RNF157: variants seen among roughly 807,000 people sequenced by gnomAD.
RNF157 encodes the protein E3 ubiquitin ligase RNF157.
A neutral mutation model predicts 88.3 loss-of-function variants in RNF157; 55 were observed. The observed-to-expected ratio is 0.62, with a 90% confidence interval of 0.50 to 0.78. The LOEUF is 0.78. Ranked by LOEUF, RNF157 falls within the 30% of genes least tolerant of loss-of-function variation. The pLI, the probability that RNF157 is intolerant of heterozygous loss-of-function variation, is 0.00. For synonymous variants in RNF157, 334 were observed against 341.2 expected, an observed-to-expected ratio of 0.98 and a Z score of 0.23; for missense variants, 788 against 860.8, an observed-to-expected ratio of 0.92 and a Z score of 1.06.
intron 1 of RNF157, among the ~76,000 whole-genome samples, chr17:76,217,155 A>G (rs1721360571): frequency 6.6e-6 from 1 of 152,082 alleles, no homozygotes; most frequent in African/African-American, 2.4e-5. Flanking sequence ...GAGCTCCCCA[A>G]ACCTTCATCT....
rs531536354 is a variant in RNF157 at position 76,228,782 on chromosome 17, G to A, written c.88+11371C>T. Reference sequence around the variant, plus strand: ...TACTAAAATACAAACTTAGCCGGGCGTGGTGGTGGGCGCCTGTAATCCCAG... The same window carrying A: ...TACTAAAATACAAACTTAGCCGGGCATGGTGGTGGGCGCCTGTAATCCCAG... On this transcript the variant is annotated intron_variant, in intron 1 of 18. Coordinates refer to ENST00000269391, the MANE Select transcript of RNF157 (RefSeq NM_052916.3). 1.6e-4 allele frequency among the ~76,000 whole-genome samples: 25 copies of A among 151,996 alleles called. 1 individual carries two copies. The South Asian group carries it at 1.7e-3, about 10-fold the overall frequency.
intron 2 of RNF157, among the ~76,000 whole-genome samples, chr17:76,191,255 C>G (rs184573282): frequency 5.3e-5 from 8 of 151,566 alleles, no homozygotes; most frequent in Non-Finnish European, 7.4e-5. Flanking sequence ...GCAGGAGGAT[C>G]GCTGGAGCCC....
chr17:76,210,387 G>C lies in RNF157; in HGVS notation c.207+1977C>G, dbSNP rs568018992. Among the ~76,000 whole-genome samples, 1,006 of 151,608 alleles carry C rather than the reference G, an allele frequency of 6.6e-3. 18 individuals carry two copies. Among genetic ancestry groups the C allele is most frequent in the African/African-American group, 0.023 (965 of 41,362 alleles). ...GGTGGGCGGATCACGAGGTCAGATC[G>C]AGACCATCCTGGCTAACACAGTGAA... is the stretch of plus-strand genomic sequence containing the variant. On this transcript the variant is annotated intron_variant, in intron 2 of 18. Coordinates refer to ENST00000269391, the MANE Select transcript of RNF157 (RefSeq NM_052916.3).
At chr17:76,205,137 TTTTC>T (rs1423773350) in intron 2 of RNF157, among the ~76,000 whole-genome samples, 13 of 151,172 alleles carry the variant, frequency 8.6e-5, no homozygotes, top group Admixed American at 3.3e-4. Flanking sequence ...TCTTTTCTTT[TTTTC>T]TTTCTTTTTT....
chr17:76,167,161 G>A, intron 4 of RNF157, 35 bp from the exon 5 acceptor site: 1 of 1,512,024 alleles, frequency 6.6e-7, no homozygotes, highest in Non-Finnish European at 9.2e-7. Flanking sequence ...GCAAAAGTCA[G>A]TATCCGGCAC....
intron 2 of RNF157, among the ~76,000 whole-genome samples, chr17:76,194,137 C>T (rs543223705): frequency 1.7e-4 from 26 of 152,228 alleles, no homozygotes; most frequent in African/African-American, 6.0e-4. Context: ...TGAATTTTGA[C>T]AAACACACAC....
intron 6 of RNF157, 132 bp downstream of exon 6, chr17:76,166,329 T>G (rs2068923923): frequency 1.3e-6 from 1 of 758,534 alleles, no homozygotes; most frequent in South Asian, 1.5e-5. Context: ...TGTGAGAGGA[T>G]GCAGAGACTG....
chr17:76,175,638 T>C (rs969859036), intron 2 of RNF157: 1 of 356,922 alleles, frequency 2.8e-6, no homozygotes, highest in Non-Finnish European at 3.9e-6. Flanking sequence ...CAAACGCTAG[T>C]CTATTCTAAA....
rs2068830652 is a variant in RNF157 at position 76,160,420 on chromosome 17, C to T, written c.1066-847G>A. On this transcript the variant is annotated intron_variant, in intron 11 of 18. Coordinates refer to ENST00000269391, the MANE Select transcript of RNF157 (RefSeq NM_052916.3). The surrounding 1 kb of genome is among the most constrained non-coding windows in gnomAD (Gnocchi z 4.3). ...TCTAGTTACACTCCTATAAGTAATA[C>T]AGAAGACCTATTCTGACTGCTTCCC... 1.3e-5 allele frequency among the ~76,000 whole-genome samples: 2 copies of T among 151,662 alleles called. No individual in the cohort carries two copies. Among genetic ancestry groups the T allele is most frequent in the Non-Finnish European group, 2.9e-5 (2 of 67,972 alleles).
chr17:76,154,938 C>A (rs774503589), intron 16 of RNF157, among the ~76,000 whole-genome samples: 3 of 152,206 alleles, frequency 2.0e-5, no homozygotes, highest in Non-Finnish European at 4.4e-5. Flanking sequence ...TGACACAGTC[C>A]TCCATGTAAA....
Position 76,158,415 on chromosome 17 carries a change from G to A in RNF157, c.1391C>T (p.Pro464Leu), listed in dbSNP as rs61751845. ...TACCTCTCCGAGATGCTGAACCGAC[G>A]GTCTCTGAGAGAGCTGTGTCTCCGA... is the stretch of plus-strand genomic sequence containing the variant. ...SESETQLSQR[P>L]SVQHLGEECG... The change falls in exon 13 of 19, where the codon CCG becomes CTG. Residue 464 changes from proline to leucine, a missense_variant. Pro to Leu is a moderately conservative substitution (Grantham distance 98, BLOSUM62 -3). Transcript: ENST00000269391. The A allele has an allele frequency of 0.011, 17,276 of 1,612,554 alleles. 124 individuals are homozygous for A. Among genetic ancestry groups the A allele is most frequent in the Non-Finnish European group, 0.013 (15,365 of 1,178,802 alleles).
intron 6 of RNF157, among the ~76,000 whole-genome samples, chr17:76,165,939 A>G (rs1185831525): frequency 6.6e-6 from 1 of 151,532 alleles, no homozygotes; most frequent in East Asian, 1.9e-4. Context: ...CAGCCTCCCA[A>G]AGTGCTAGGA....
At chr17:76,159,058 A>G (rs1598392214) in intron 12 of RNF157, among the ~76,000 whole-genome samples, 1 of 152,142 alleles carries the variant, frequency 6.6e-6, no homozygotes, top group East Asian at 1.9e-4. Context: ...GGCCCTATCC[A>G]CAGTGTTCAA....
In RNF157 at chr17:76,240,190, G is replaced by C; in HGVS notation, c.51C>G (p.Ile17Met). 1 of 1,413,240 alleles carries C rather than the reference G, an allele frequency of 7.1e-7. No individual in the cohort carries two copies. The highest frequency in any genetic ancestry group is 9.4e-7 in the Non-Finnish European group (1 of 1,069,346). 87.5% of individuals were successfully genotyped at this position (1,413,240 alleles called of 1,614,324 possible). A position where few individuals can be genotyped will look rare whatever the true frequency, so the allele number is the denominator to read the frequency against. The change falls in exon 1 of 19, where the codon ATC becomes ATG. Residue 17 changes from isoleucine (I) to methionine (M), a missense_variant. Transcript: ENST00000269391. This position sits in a 1 kb window ranked among gnomAD's most constrained non-coding sequence, Gnocchi z 4.4. ...GGTAGCGGTACACGGAATTAGACGG[G>C]ATGTCCACCTCCTCCACGCCCGCGT... ...RQHAGVEEVD[I>M]PSNSVYRYPP... is the part of the protein sequence containing the mutation.
At position 76,143,613 on chromosome 17, in the gene RNF157, A is replaced by G. The variant is rs2598427; in HGVS notation, c.*1622T>C. The G allele has an allele frequency of 0.36, 54,865 of 152,006 alleles. 11,791 individuals are homozygous for G. Among genetic ancestry groups the G allele is most frequent in the African/African-American group, 0.61 (25,083 of 41,394 alleles). 9.4% of individuals were successfully genotyped at this position (152,006 alleles called of 1,614,324 possible). The stretch of plus-strand genomic sequence containing the variant: ...AGTTTTTCAGAGAGGGTTGGACGAC[A>G]GGCCCCCCTCTCCATCAGGGCAGGA... On this transcript the variant is annotated 3_prime_UTR_variant, in exon 19 of 19. Coordinates refer to ENST00000269391, the MANE Select transcript of RNF157 (RefSeq NM_052916.3).
At chr17:76,170,216 T>G (rs531410422) in intron 3 of RNF157, among the ~76,000 whole-genome samples, 1 of 152,122 alleles carries the variant, frequency 6.6e-6, no homozygotes, top group African/African-American at 2.4e-5. Flanking sequence ...ACATCCAGTA[T>G]GCCAGGATCC....
chr17:76,195,039 G>A lies in RNF157; in HGVS notation c.207+17325C>T, dbSNP rs2069456773. Among the ~76,000 whole-genome samples the A allele has an allele frequency of 6.6e-6, 1 of 151,982 alleles. No homozygotes were observed. The highest frequency in any genetic ancestry group is 2.4e-5 in the African/African-American group (1 of 41,372). On this transcript the variant is annotated intron_variant, in intron 2 of 18. Transcript: ENST00000269391. The surrounding 1 kb of genome is among the most constrained non-coding windows in gnomAD (Gnocchi z 4.4). The stretch of plus-strand genomic sequence containing the variant: ...CAAAAAAACAAAACAAAACACAAGA[G>A]CAGAGGGAATGGGAGAGGATATTAT...
At chr17:76,211,668 T>C (rs977238390) in intron 2 of RNF157, among the ~76,000 whole-genome samples, 4 of 152,320 alleles carry the variant, frequency 2.6e-5, no homozygotes, top group South Asian at 2.1e-4. Context: ...GCTTATAAAA[T>C]AGAGTGATAA....
At chr17:76,225,924 A>C in intron 1 of RNF157, 1 of 1,613,168 alleles carries the variant, frequency 6.2e-7, no homozygotes, top group Non-Finnish European at 8.5e-7. Flanking sequence ...TTCTGGCGGT[A>C]CCTAGTGGCT....
Sources: gnomAD v4.1 joint callset for allele counts (sites outside exome capture counted in the v4.1 genomes callset) on GRCh38, gnomAD v4.1.1 for gene constraint, Gnocchi (gnomAD v3.1) non-coding constraint, MANE v1.5 for transcripts, NCBI Gene and HGNC (gene_info 2026-07-23, HGNC 2026-07-21) for gene names.